RASA2: variants seen among roughly 807,000 people sequenced by gnomAD.
The protein encoded by RASA2 is ras GTPase-activating protein 2.
RASA2 carries 155 observed loss-of-function variants against 118.2 expected under a neutral mutation model. The ratio of observed to expected loss-of-function variants is 1.31; its 90% confidence interval spans 1.15 to 1.50. The LOEUF (loss-of-function observed/expected upper bound fraction) is 1.50, where lower values mean the gene tolerates loss of function less well. Among genes scored for constraint, RASA2 ranks in the 40% most tolerant of loss-of-function variants. The pLI is 0.00. For synonymous variants in RASA2, 353 were observed against 349.1 expected (o/e 1.01, Z -0.12); for missense variants, 1,016 against 1,009.6 (o/e 1.01, Z -0.09).
At chr3:141,538,643 A>G (rs895795488) in intron 4 of RASA2, among the ~76,000 whole-genome samples, 17 of 152,186 alleles carry the variant, frequency 1.1e-4, no homozygotes, top group Non-Finnish European at 2.2e-4. Flanking sequence ...TTAACTCATA[A>G]TGCCTTTTAA....
chr3:141,582,379 A>G (rs1005265092), intron 17 of RASA2, among the ~76,000 whole-genome samples: 2 of 152,172 alleles, frequency 1.3e-5, no homozygotes, highest in Non-Finnish European at 2.9e-5. Context: ...CTGCCCTTTT[A>G]TTTTTCAGAC....
intron 1 of RASA2, among the ~76,000 whole-genome samples, chr3:141,501,819 T>C (rs1292304673): frequency 1.3e-5 from 2 of 152,158 alleles, no homozygotes; most frequent in African/African-American, 4.8e-5. Context: ...AGAGACTATA[T>C]CATATTTTTA....
At chr3:141,611,071 T>G (rs2083644446) in intron 23 of RASA2, among the ~76,000 whole-genome samples, 1 of 152,198 alleles carries the variant, frequency 6.6e-6, no homozygotes, top group African/African-American at 2.4e-5. Context: ...TTATAGTACT[T>G]TACAGCTTAT....
intron 9 of RASA2, among the ~76,000 whole-genome samples, chr3:141,570,680 G>A (rs188315971): frequency 6.0e-4 from 91 of 152,226 alleles, no homozygotes; most frequent in African/African-American, 2.1e-3. Flanking sequence ...CTTAATTTCT[G>A]TAATATCTAT....
intron 23 of RASA2, 103 bp downstream of exon 23, chr3:141,610,169 T>A: frequency 9.9e-7 from 1 of 1,007,936 alleles, no homozygotes; most frequent in South Asian, 2.0e-5. Flanking sequence ...TCTGTCAACA[T>A]CCCGCTCAGG....
At chr3:141,607,860 C>A in intron 20 of RASA2, 100 bp downstream of exon 20, 1 of 1,240,240 alleles carries the variant, frequency 8.1e-7, no homozygotes, top group Non-Finnish European at 1.0e-6. Context: ...TTTGTATCAC[C>A]TATTACTTAG....
intron 5 of RASA2, among the ~76,000 whole-genome samples, chr3:141,551,845 G>A (rs531509871): frequency 5.1e-4 from 77 of 151,962 alleles, no homozygotes; most frequent in Non-Finnish European, 8.7e-4. Context: ...ATACTATATT[G>A]TAAATGCTTT....
At chr3:141,570,088 T>C (rs1347865968) in intron 9 of RASA2, among the ~76,000 whole-genome samples, 1 of 98,658 alleles carries the variant, frequency 1.0e-5, no homozygotes, top group African/African-American at 6.0e-5. Context: ...GATAAAAAGC[T>C]TTTTTTTTTT....
At chr3:141,501,838 T>G (rs1174382544) in intron 1 of RASA2, among the ~76,000 whole-genome samples, 1 of 152,208 alleles carries the variant, frequency 6.6e-6, no homozygotes, top group Admixed American at 6.5e-5. Context: ...TAAATGTGCA[T>G]TAGATTCATT....
chr3:141,594,995 G>T (rs2083345008), intron 19 of RASA2, among the ~76,000 whole-genome samples: 1 of 152,034 alleles, frequency 6.6e-6, no homozygotes, highest in African/African-American at 2.4e-5. Flanking sequence ...AAAGGAAGGG[G>T]GTGGAGTAAA....
chr3:141,595,343 A>G (rs895345916), intron 19 of RASA2, among the ~76,000 whole-genome samples: 2 of 152,248 alleles, frequency 1.3e-5, no homozygotes, highest in Non-Finnish European at 2.9e-5. Context: ...ATCCAATAAT[A>G]TACTTTCTAC....
chr3:141,580,128 A>G (rs2107769050), intron 15 of RASA2, among the ~76,000 whole-genome samples: 1 of 139,644 alleles, frequency 7.2e-6, no homozygotes. Flanking sequence ...GACTTTTAAA[A>G]GCACCACATC....
At chr3:141,581,796 A>G (rs2083118497) in intron 17 of RASA2, among the ~76,000 whole-genome samples, 1 of 152,214 alleles carries the variant, frequency 6.6e-6, no homozygotes, top group Non-Finnish European at 1.5e-5. Context: ...AACCTGTAGT[A>G]TATAATATCC....
At chr3:141,552,083 A>G (rs1324278835) in intron 5 of RASA2, among the ~76,000 whole-genome samples, 1 of 152,156 alleles carries the variant, frequency 6.6e-6, no homozygotes, top group Non-Finnish European at 1.5e-5. Flanking sequence ...ACTGTTTTAT[A>G]TTTAAAAATT....
At chr3:141,499,994 C>A (rs1472849900) in intron 1 of RASA2, among the ~76,000 whole-genome samples, 1 of 152,142 alleles carries the variant, frequency 6.6e-6, no homozygotes, top group Non-Finnish European at 1.5e-5. Context: ...TGCTTGACAA[C>A]TGAGTTATCT....
chr3:141,574,306 C>T (rs1449063057), intron 14 of RASA2, among the ~76,000 whole-genome samples: 2 of 152,014 alleles, frequency 1.3e-5, no homozygotes, highest in Admixed American at 6.6e-5. Context: ...TCTCCTGCCT[C>T]AGCCTCCCGA....
At chr3:141,538,144 T>G (rs1161966493) in intron 4 of RASA2, among the ~76,000 whole-genome samples, 1 of 151,882 alleles carries the variant, frequency 6.6e-6, no homozygotes, top group African/African-American at 2.4e-5. Flanking sequence ...CTTGTTTTGC[T>G]GCAATTCAAA....
chr3:141,595,936 A>G (rs956105301), intron 19 of RASA2, among the ~76,000 whole-genome samples: 1 of 152,210 alleles, frequency 6.6e-6, no homozygotes, highest in Non-Finnish European at 1.5e-5. Flanking sequence ...GAATATTTTA[A>G]TAGTCTTCTC....
At chr3:141,569,336 C>CT (rs923606214) in intron 9 of RASA2, among the ~76,000 whole-genome samples, 17 of 149,912 alleles carry the variant, frequency 1.1e-4, no homozygotes, top group African/African-American at 3.2e-4. Flanking sequence ...GAGTAGCAAA[C>CT]TTTTTTTTTT....
Sources: allele counts gnomAD v4.1 joint callset (sites outside exome capture counted in the v4.1 genomes callset), GRCh38; gene constraint gnomAD v4.1.1; transcripts MANE v1.5; gene names NCBI Gene and HGNC (gene_info 2026-07-23, HGNC 2026-07-21).